Variants in MKNK2 observed in about 807,000 individuals in gnomAD.
MKNK2 encodes the protein MAPK interacting serine/threonine kinase 2.
Under a neutral mutation model 55.0 loss-of-function variants are expected in MKNK2, and 54 were observed. The ratio of observed to expected loss-of-function variants is 0.98; its 90% CI spans 0.79 to 1.23. MKNK2 has a LOEUF of 1.23. MKNK2 is among the 50% of genes most tolerant of loss of function. The pLI is 0.00. For synonymous variants in MKNK2, 323 were observed against 256.0 expected (o/e 1.26, Z -2.50); for missense variants, 685 against 632.1 (o/e 1.08, Z -0.90).
chr19:2,043,321 G>T, intron 6 of MKNK2, 124 bp from the exon 7 acceptor site: 1 of 1,008,628 alleles, frequency 9.9e-7, no homozygotes, highest in Non-Finnish European at 1.5e-6. Context: ...TGGGACTGGG[G>T]CAATAGGCCA....
At chr19:2,043,663 G>C in intron 5 of MKNK2, 81 bp from the exon 6 acceptor site, 1 of 1,271,378 alleles carries the variant, frequency 7.9e-7, no homozygotes, top group South Asian at 1.2e-5. Flanking sequence ...CACTGCCACG[G>C]CTGGAATTCA....
intron 11 of MKNK2, among the ~76,000 whole-genome samples, 195 bp from the exon 12 acceptor site, chr19:2,041,399 GCT>G (rs930900264): frequency 6.6e-6 from 1 of 152,040 alleles, no homozygotes; most frequent in Non-Finnish European, 1.5e-5. Context: ...CAAAAAAGCA[GCT>G]CTGAGGGACC....
At chr19:2,041,639 G>A (rs535548626) in intron 11 of MKNK2, among the ~76,000 whole-genome samples, 412 of 152,176 alleles carry the variant, frequency 2.7e-3, no homozygotes, top group Non-Finnish European at 4.5e-3. Context: ...CAGGTCCCCA[G>A]GGGTTAGGGG....
chr19:2,050,774 C>T (rs1444539382), intron 2 of MKNK2, 27 bp downstream of exon 2: 2 of 1,530,614 alleles, frequency 1.3e-6, no homozygotes, highest in African/African-American at 1.4e-5. Context: ...CAGCCCGGAG[C>T]GCCCCCAAAC....
At position 2,042,426 on chromosome 19, in the gene MKNK2, C is replaced by T. The variant is rs1230891111; in HGVS notation, c.750+1G>A. The T allele has an allele frequency of 6.4e-7, 1 of 1,572,382 alleles. No individual in the cohort carries two copies. The highest frequency in any genetic ancestry group is 8.6e-7 in the Non-Finnish European group (1 of 1,160,106). On this transcript the variant is annotated splice_donor_variant, in intron 10 of 13. Coordinates refer to ENST00000250896, the MANE Select transcript of MKNK2 (RefSeq NM_199054.3). LOFTEE classifies it high-confidence loss of function. Reference sequence around the variant, plus strand: ...CCCCAGCCCTCCCCGCGGGCCCTCACCGGAGTGAGCAGCTCCGGGGTGGAG... The same window carrying T: ...CCCCAGCCCTCCCCGCGGGCCCTCATCGGAGTGAGCAGCTCCGGGGTGGAG...
In MKNK2 at chr19:2,042,042, CG is replaced by C. The variant is rs754727128; in HGVS notation, c.751-9del. On this transcript the variant is annotated splice_polypyrimidine_tract_variant and intron_variant, in intron 10 of 13. Coordinates refer to ENST00000250896, the MANE Select transcript of MKNK2 (RefSeq NM_199054.3). ...GTACTCCGCCGAGCCGCACTGCGGGCGGGGGAGGGGCGCGTCAGCCGGGGTT... is the reference window on the plus strand; with the variant it reads ...GTACTCCGCCGAGCCGCACTGCGGGCGGGGAGGGGCGCGTCAGCCGGGGTT... 2.9e-5 allele frequency: 43 copies of C among 1,475,686 alleles called. No homozygotes were observed. The African/African-American group carries it at 5.9e-4, about 20-fold the overall frequency. The allele number at this position is 1,475,686 out of a possible 1,614,324, so 91.4% of individuals were successfully genotyped here.
At chr19:2,049,944 C>T (rs764478372) in intron 2 of MKNK2, among the ~76,000 whole-genome samples, 9 of 152,188 alleles carry the variant, frequency 5.9e-5, no homozygotes, top group Non-Finnish European at 1.2e-4. Flanking sequence ...CATACACTCA[C>T]ACTCTCTCTT....
chr19:2,048,664 A>G (rs1477011424), intron 2 of MKNK2, among the ~76,000 whole-genome samples: 1 of 152,106 alleles, frequency 6.6e-6, no homozygotes, highest in African/African-American at 2.4e-5. Context: ...GGGAGACCCA[A>G]GGCCAGGAGA....
Position 2,037,648 on chromosome 19 carries a change from GTC to G in MKNK2, c.*1963_*1964del. The G allele has an allele frequency of 2.0e-4, 63 of 313,864 alleles. No homozygotes were observed. The highest frequency in any genetic ancestry group is 2.5e-4 in the Non-Finnish European group (54 of 218,646). The allele number at this position is 313,864 out of a possible 1,614,324, so 19.4% of individuals were successfully genotyped here. A position where few individuals can be genotyped will look rare whatever the true frequency, so the allele number is the denominator to read the frequency against. ...CTTTTGAGGTTTTTTTTTTTTTTTT[GTC>G]TTTTAAAAACATCGTAACATTAACA... is the stretch of plus-strand genomic sequence containing the variant. On this transcript the variant is annotated 3_prime_UTR_variant, in exon 14 of 14. Transcript: ENST00000250896.
In MKNK2 at chr19:2,039,189, C is replaced by T; in HGVS notation, c.*424G>A. The T allele has an allele frequency of 9.8e-7, 1 of 1,020,566 alleles. No individual in the cohort carries two copies. The highest frequency in any genetic ancestry group is 1.2e-6 in the Non-Finnish European group (1 of 851,312). 63.2% of individuals were successfully genotyped at this position (1,020,566 alleles called of 1,614,324 possible). A position where few individuals can be genotyped will look rare whatever the true frequency, so the allele number is the denominator to read the frequency against. On this transcript the variant is annotated 3_prime_UTR_variant, in exon 14 of 14. Transcript: ENST00000250896. ...CTGGGAGGGAACACGAGGGCAGGGT[C>T]CTGTGCCCCTCCCCAGCTCTGCAAG...
rs2016823940 is a variant in MKNK2 at position 2,039,418 on chromosome 19, G to C, written c.*195C>G. On this transcript the variant is annotated 3_prime_UTR_variant, in exon 14 of 14. Coordinates refer to ENST00000250896, the MANE Select transcript of MKNK2 (RefSeq NM_199054.3). ...TAACCATCCAAAGGAAAAAATAACG[G>C]GGAGGGGTGGAAACAGGAAAAAAAA... The C allele has an allele frequency of 2.1e-5, 30 of 1,403,260 alleles. No homozygotes were observed. The South Asian group carries it at 4.3e-4, about 20-fold the overall frequency. 86.9% of individuals were successfully genotyped at this position (1,403,260 alleles called of 1,614,324 possible). A position where few individuals can be genotyped will look rare whatever the true frequency, so the allele number is the denominator to read the frequency against.
Position 2,043,580 on chromosome 19 carries a change from G to C in MKNK2, c.342C>G (p.Ile114Met), listed in dbSNP as rs1368327632. ...LITSQEYAVK[I>M]IEKQPGHIRS... is the part of the protein sequence containing the mutation. ...GAATGTGGCCTGGCTGCTTCTCAAT[G>C]ATCTGAAACAGGCGAAAGGACACAG... The change falls in exon 6 of 14, where the codon ATC becomes ATG. Residue 114 changes from isoleucine to methionine, a missense_variant and splice_region_variant. Ile to Met is a conservative substitution (Grantham distance 10, BLOSUM62 1). Coordinates refer to ENST00000250896, the MANE Select transcript of MKNK2 (RefSeq NM_199054.3). The C allele has an allele frequency of 6.2e-7, 1 of 1,613,828 alleles. No homozygotes were observed. The highest frequency in any genetic ancestry group is 2.2e-5 in the East Asian group (1 of 44,888).
chr19:2,037,633 T>G lies in MKNK2; in HGVS notation c.*1980A>C, dbSNP rs2016775139. On this transcript the variant is annotated 3_prime_UTR_variant, in exon 14 of 14. Transcript: ENST00000250896. ...CCCACTTTAAAAAAACTTTTGAGGTTTTTTTTTTTTTTTTGTCTTTTAAAA... is the reference window on the plus strand; with the variant it reads ...CCCACTTTAAAAAAACTTTTGAGGTGTTTTTTTTTTTTTTGTCTTTTAAAA... 1.0e-5 allele frequency: 4 copies of G among 401,200 alleles called. No homozygotes were observed. The Admixed American group carries it at 3.2e-4, about 32-fold the overall frequency. The allele number at this position is 401,200 out of a possible 1,614,324, so 24.9% of individuals were successfully genotyped here.
chr19:2,050,650 C>A (rs1599388103), intron 2 of MKNK2, 151 bp downstream of exon 2: 3 of 662,686 alleles, frequency 4.5e-6, no homozygotes, highest in Non-Finnish European at 7.2e-6. Flanking sequence ...GACCCCGCTT[C>A]AGCGCACGGC....
At chr19:2,043,386 C>T in intron 6 of MKNK2, 117 bp downstream of exon 6, 2 of 1,106,256 alleles carry the variant, frequency 1.8e-6, no homozygotes, top group South Asian at 1.3e-5. Flanking sequence ...GAGGGGAATG[C>T]AGGGCCTGGG....
chr19:2,048,158 G>A (rs1376271552), intron 2 of MKNK2, among the ~76,000 whole-genome samples: 2 of 152,084 alleles, frequency 1.3e-5, no homozygotes, highest in African/African-American at 4.8e-5. Flanking sequence ...CCTGATACCC[G>A]GCTAAGGAAG....
At chr19:2,041,615 T>C (rs1380143951) in intron 11 of MKNK2, among the ~76,000 whole-genome samples, 1 of 151,330 alleles carries the variant, frequency 6.6e-6, no homozygotes, top group Non-Finnish European at 1.5e-5. Context: ...CATCAGGGAG[T>C]AGGGCACACC....
rs1049223750 is a variant in MKNK2, at chr19:2,041,266, C to T, written c.946-62G>A. Reference sequence around the variant, plus strand: ...CAAGGGCCTGGATACTGTGCACTGACACGTGGCTCCAACCGGACCCCAACC... The same window carrying T: ...CAAGGGCCTGGATACTGTGCACTGATACGTGGCTCCAACCGGACCCCAACC... On this transcript the variant is annotated intron_variant, in intron 11 of 13. Coordinates refer to ENST00000250896, the MANE Select transcript of MKNK2 (RefSeq NM_199054.3). 3.9e-6 allele frequency: 6 copies of T among 1,543,824 alleles called. No individual in the cohort carries two copies. In the African/African-American group the frequency reaches 4.1e-5, roughly 10 times the overall value.
At chr19:2,041,005 A>C in intron 12 of MKNK2, 35 bp downstream of exon 12, 1 of 1,611,074 alleles carries the variant, frequency 6.2e-7, no homozygotes, top group Non-Finnish European at 8.5e-7. Flanking sequence ...CAGCGCCCCC[A>C]TACCCCTCCT....
Sources: gnomAD v4.1 joint callset for allele counts (sites outside exome capture counted in the v4.1 genomes callset) on GRCh38, gnomAD v4.1.1 for gene constraint, MANE v1.5 for transcripts, NCBI Gene and HGNC (gene_info 2026-07-23, HGNC 2026-07-21) for gene names.